The following KDELR3 variants were observed in gnomAD, a reference collection of about 807,000 sequenced individuals.
KDELR3 encodes the protein ER lumen protein-retaining receptor 3.
KDELR3 carries 26 observed loss-of-function variants against 22.7 expected under a neutral mutation model. The observed-to-expected ratio is 1.15, with a 90% CI of 0.84 to 1.59. The LOEUF (loss-of-function observed/expected upper bound fraction) is 1.59. KDELR3 is among the 40% of genes most tolerant of loss of function. The pLI is 0.00. For synonymous variants in KDELR3, 120 were observed against 98.2 expected, an observed-to-expected ratio of 1.22 and a Z score of -1.31; for missense variants, 289 against 251.1, an observed-to-expected ratio of 1.15 and a Z score of -1.02.
intron 4 of KDELR3, 69 bp from the exon 5 acceptor site, chr22:38,482,427 A>T: frequency 6.4e-6 from 8 of 1,241,738 alleles, no homozygotes; most frequent in Non-Finnish European, 9.5e-6. Context: ...TACCAAGATT[A>T]TGCATCAAGT....
At chr22:38,469,635 T>TG (rs796228020) in intron 1 of KDELR3, among the ~76,000 whole-genome samples, 2 of 152,114 alleles carry the variant, frequency 1.3e-5, no homozygotes, top group African/African-American at 4.8e-5. Context: ...CAGCAGGCCC[T>TG]GGTGAGGGGA....
chr22:38,479,014 A>T (rs1284726919), intron 2 of KDELR3, among the ~76,000 whole-genome samples: 1 of 152,002 alleles, frequency 6.6e-6, no homozygotes, highest in East Asian at 1.9e-4. Flanking sequence ...ATCAAAATGA[A>T]ATCATTATAT....
At chr22:38,475,181 C>G (rs2145965818) in intron 2 of KDELR3, among the ~76,000 whole-genome samples, 1 of 151,680 alleles carries the variant, frequency 6.6e-6, no homozygotes, top group Non-Finnish European at 1.5e-5. Context: ...GTAAAAAACC[C>G]TGCCATATAT....
At chr22:38,468,386 T>C (rs1364107258) in intron 1 of KDELR3, 62 bp downstream of exon 1, 3 of 1,485,566 alleles carry the variant, frequency 2.0e-6, no homozygotes, top group African/African-American at 2.8e-5. Context: ...TGCCCCTGCG[T>C]GCAGGGCAGG....
chr22:38,470,531 C>T (rs934394620), intron 1 of KDELR3, among the ~76,000 whole-genome samples: 2 of 152,132 alleles, frequency 1.3e-5, no homozygotes, highest in African/African-American at 4.8e-5. Flanking sequence ...AGGGATGGGC[C>T]TGTGTGTGCA....
In KDELR3 at chr22:38,483,102, CTCA is replaced by C. The variant is rs1440547370; in HGVS notation, c.*569_*571del. 1 of 153,114 alleles carries C rather than the reference CTCA, an allele frequency of 6.5e-6. No homozygotes were observed. Among genetic ancestry groups the C allele is most frequent in the Non-Finnish European group, 1.5e-5 (1 of 68,742 alleles). 9.5% of individuals were successfully genotyped at this position (153,114 alleles called of 1,614,324 possible). A position where few individuals can be genotyped will look rare whatever the true frequency, so the allele number is the denominator to read the frequency against. On this transcript the variant is annotated 3_prime_UTR_variant, in exon 5 of 5. Coordinates refer to ENST00000216014, the MANE Select transcript of KDELR3 (RefSeq NM_006855.4). ...AGGTTTGGCTGGAGGAGTTTTGTGA[CTCA>C]TCTTTTACTGGTTTGAATTTTTTCA...
At chr22:38,471,499 C>T (rs2089524871) in intron 1 of KDELR3, among the ~76,000 whole-genome samples, 1 of 152,190 alleles carries the variant, frequency 6.6e-6, no homozygotes, top group Non-Finnish European at 1.5e-5. Context: ...GCTAGACCCC[C>T]CAGAGGGACT....
chr22:38,481,275 A>G lies in KDELR3; in HGVS notation c.415A>G (p.Ser139Gly), dbSNP rs989929760. 7.4e-6 allele frequency: 12 copies of G among 1,614,092 alleles called. No homozygotes were observed. The highest frequency in any genetic ancestry group is 1.0e-5 in the Non-Finnish European group (12 of 1,180,048). The change falls in exon 4 of 5, where the codon AGC becomes GGC. Residue 139 changes from serine (S) to glycine (G), a missense_variant. Physicochemically the swap from Ser to Gly is moderately conservative, Grantham distance 56. Coordinates refer to ENST00000216014, the MANE Select transcript of KDELR3 (RefSeq NM_006855.4). The part of the protein sequence containing the change: ...VAILPQLFMI[S>G]KTGEAETITT... ...TATCCTGCCCCAGCTCTTCATGATC[A>G]GCAAGACTGGAGAGGCTGAGACCAT...
chr22:38,476,659 G>A (rs1264170702), intron 2 of KDELR3, among the ~76,000 whole-genome samples: 9 of 151,820 alleles, frequency 5.9e-5, no homozygotes, highest in African/African-American at 2.2e-4. Context: ...AGAGTAGCTG[G>A]GATTACAGGC....
rs879201942 is a variant in KDELR3, at chr22:38,479,759, A to G, written c.351+8A>G. 2.5e-6 allele frequency: 4 copies of G among 1,613,944 alleles called. No individual in the cohort carries two copies. The South Asian group carries it at 3.3e-5, about 13-fold the overall frequency. Reference sequence around the variant, plus strand: ...AGTTTCACTCTGCTGGAGGTAAGGGAATGGACTGAGTACCAGTTCTCAAAG... The same window carrying G: ...AGTTTCACTCTGCTGGAGGTAAGGGGATGGACTGAGTACCAGTTCTCAAAG... On this transcript the variant is annotated splice_region_variant and intron_variant, in intron 3 of 4. Transcript: ENST00000216014.
chr22:38,476,287 T>C (rs1207878532), intron 2 of KDELR3, among the ~76,000 whole-genome samples: 2 of 151,414 alleles, frequency 1.3e-5, no homozygotes, highest in African/African-American at 4.9e-5. Flanking sequence ...TGGGGCAATC[T>C]CGGCTCACTG....
Position 38,482,615 on chromosome 22 carries a change from T to C in KDELR3, c.*79T>C, listed in dbSNP as rs890424534. 1.2e-4 allele frequency: 158 copies of C among 1,277,768 alleles called. No homozygotes were observed. Among genetic ancestry groups the C allele is most frequent in the Non-Finnish European group, 1.8e-4 (155 of 882,368 alleles). 79.2% of individuals were successfully genotyped at this position (1,277,768 alleles called of 1,614,324 possible). On this transcript the variant is annotated 3_prime_UTR_variant, in exon 5 of 5. Transcript: ENST00000216014. Reference sequence around the variant, plus strand: ...AATGTTCTCTTTGGCAACTTATCCATAATTTGGGATCAAATGTTAAAACCA... The same window carrying C: ...AATGTTCTCTTTGGCAACTTATCCACAATTTGGGATCAAATGTTAAAACCA...
chr22:38,481,581 G>C, intron 4 of KDELR3, 117 bp downstream of exon 4: 3 of 1,540,210 alleles, frequency 1.9e-6, no homozygotes, highest in Non-Finnish European at 2.6e-6. Flanking sequence ...CACAATGCTT[G>C]TGTTCTAATG....
intron 1 of KDELR3, 122 bp from the exon 2 acceptor site, chr22:38,474,401 G>C (rs1569131851): frequency 2.9e-6 from 2 of 693,994 alleles, no homozygotes; most frequent in Non-Finnish European, 5.0e-6. Context: ...CCCTGGACAG[G>C]AGGTCTTTGA....
chr22:38,472,991 C>T (rs1264823694), intron 1 of KDELR3, among the ~76,000 whole-genome samples: 1 of 152,128 alleles, frequency 6.6e-6, no homozygotes, highest in Non-Finnish European at 1.5e-5. Flanking sequence ...TGAGCCACCG[C>T]CCCCGGCCCA....
intron 1 of KDELR3, among the ~76,000 whole-genome samples, chr22:38,471,143 TCAAA>T (rs147180152): frequency 3.3e-5 from 5 of 151,972 alleles, no homozygotes; most frequent in Non-Finnish European, 7.4e-5. Flanking sequence ...GAACTCTGTC[TCAAA>T]CAAACAAACA....
Position 38,479,580 on chromosome 22 carries a change from T to C in KDELR3, c.193-13T>C, listed in dbSNP as rs747788768. On this transcript the variant is annotated splice_polypyrimidine_tract_variant and intron_variant, in intron 2 of 4. Coordinates refer to ENST00000216014, the MANE Select transcript of KDELR3 (RefSeq NM_006855.4). ...TTCATAGATTCGATTCCCATGTCTCTCTCCCCTTTTAGGTGGTTTTTCTCC... is the reference window on the plus strand; with the variant it reads ...TTCATAGATTCGATTCCCATGTCTCCCTCCCCTTTTAGGTGGTTTTTCTCC... 14 of 1,609,030 alleles carry C rather than the reference T, an allele frequency of 8.7e-6. No homozygotes were observed. Among genetic ancestry groups the C allele is most frequent in the Admixed American group, 3.3e-5 (2 of 59,958 alleles).
chr22:38,476,997 C>T (rs891434359), intron 2 of KDELR3, among the ~76,000 whole-genome samples: 1 of 151,636 alleles, frequency 6.6e-6, no homozygotes, highest in African/African-American at 2.4e-5. Flanking sequence ...GCAACCTCCA[C>T]CTCCCAAGTT....
intron 1 of KDELR3, among the ~76,000 whole-genome samples, chr22:38,470,866 G>A (rs2089520479): frequency 1.3e-5 from 2 of 152,276 alleles, no homozygotes; most frequent in South Asian, 4.1e-4. Flanking sequence ...CCGGGGGGCT[G>A]GGCACAGTGG....
Sources: allele counts gnomAD v4.1 joint callset (sites outside exome capture counted in the v4.1 genomes callset), GRCh38; gene constraint gnomAD v4.1.1; transcripts MANE v1.5; gene names NCBI Gene and HGNC (gene_info 2026-07-23, HGNC 2026-07-21).